TNK2: variants seen among roughly 807,000 people sequenced by gnomAD.
The protein encoded by TNK2 is tyrosine kinase non receptor 2.
A neutral mutation model predicts 101.8 loss-of-function variants in TNK2; 83 were observed. The ratio of observed to expected loss-of-function variants is 0.82; its 90% CI spans 0.68 to 0.98. The LOEUF is 0.98. Among genes scored for constraint, TNK2 ranks in the 50% least tolerant of loss-of-function variants. TNK2 has a pLI of 0.00. For missense variants in TNK2, 1,665 were observed against 1,483.2 expected, an observed-to-expected ratio of 1.12 and a Z score of -2.01; for synonymous variants, 804 against 633.0, an observed-to-expected ratio of 1.27 and a Z score of -4.06.
At chr3:195,892,420 G>A in intron 1 of TNK2, 1 of 1,534,996 alleles carries the variant, frequency 6.5e-7, no homozygotes, top group Non-Finnish European at 8.7e-7. Flanking sequence ...CTGTGTACAG[G>A]CGTCGCCGCA....
At chr3:195,879,424 C>A in intron 6 of TNK2, 1 of 416,582 alleles carries the variant, frequency 2.4e-6, no homozygotes, top group South Asian at 3.4e-5. Flanking sequence ...AAGGAAGTTT[C>A]CCAGCCAGAG....
chr3:195,899,484 G>A (rs951485689), intron 1 of TNK2, among the ~76,000 whole-genome samples: 1 of 151,910 alleles, frequency 6.6e-6, no homozygotes, highest in Admixed American at 6.6e-5. Context: ...GCGCCACCAC[G>A]CCCAGCTAAT....
At chr3:195,898,520 T>C (rs1408405484) in intron 1 of TNK2, among the ~76,000 whole-genome samples, 1 of 152,178 alleles carries the variant, frequency 6.6e-6, no homozygotes, top group Non-Finnish European at 1.5e-5. Flanking sequence ...TGGGCTGCAC[T>C]CCTCACCTAG....
Position 195,885,787 on chromosome 3 carries a change from C to T in TNK2, c.235-754G>A, listed in dbSNP as rs551370941. The stretch of plus-strand genomic sequence containing the variant: ...CCATGAGGGTCAAAGCTGGCCACGT[C>T]GGTCTGACTCGGCCTCCACTGAGGC... On this transcript the variant is annotated intron_variant, in intron 3 of 15. Coordinates refer to ENST00000672887, the MANE Select transcript of TNK2 (RefSeq NM_001382273.1). The surrounding 1 kb of genome is among the most constrained non-coding windows in gnomAD (Gnocchi z 4.7). 2.0e-5 allele frequency: 7 copies of T among 354,292 alleles called. No individual in the cohort carries two copies. Among genetic ancestry groups the T allele is most frequent in the African/African-American group, 1.3e-4 (6 of 46,704 alleles). The allele number at this position is 354,292 out of a possible 1,614,324, so 21.9% of individuals were successfully genotyped here.
At chr3:195,891,656 A>ACC (rs139172714) in intron 1 of TNK2, among the ~76,000 whole-genome samples, 16 of 147,382 alleles carry the variant, frequency 1.1e-4, no homozygotes, top group African/African-American at 4.0e-4. Context: ...GAGCAAAGTG[A>ACC]CCCCCCCCCT....
Position 195,864,084 on chromosome 3 carries a change from G to A in TNK2, c.*97C>T. 6.5e-7 allele frequency: 1 copy of A among 1,534,922 alleles called. No homozygotes were observed. The highest frequency in any genetic ancestry group is 9.0e-7 in the Non-Finnish European group (1 of 1,116,596). ...TCCCCGGGAGCAGCAGGAGCAGCGGGTCCTCCAGGACTGGATGGGGGCATC... is the reference window on the plus strand; with the variant it reads ...TCCCCGGGAGCAGCAGGAGCAGCGGATCCTCCAGGACTGGATGGGGGCATC... On this transcript the variant is annotated 3_prime_UTR_variant, in exon 16 of 16. Coordinates refer to ENST00000672887, the MANE Select transcript of TNK2 (RefSeq NM_001382273.1).
At chr3:195,873,686 CGGA>C (rs1293731653) in intron 9 of TNK2, among the ~76,000 whole-genome samples, 1 of 152,192 alleles carries the variant, frequency 6.6e-6, no homozygotes, top group Admixed American at 6.5e-5. Flanking sequence ...GGAGAGAGGA[CGGA>C]GGAGGTGGCG....
intron 9 of TNK2, chr3:195,872,710 G>A: frequency 2.0e-6 from 1 of 511,802 alleles, no homozygotes; most frequent in Non-Finnish European, 3.4e-6. Context: ...TTTCCCTATG[G>A]TTTGCAAATA....
intron 1 of TNK2, chr3:195,891,876 G>A: frequency 1.0e-6 from 1 of 975,628 alleles, no homozygotes; most frequent in Non-Finnish European, 1.2e-6. Flanking sequence ...GCACAGCCCG[G>A]CCTGTTCCCT....
chr3:195,895,933 G>GCCGCCTCCCAGCGC (rs1577114534), intron 1 of TNK2: 3 of 162,560 alleles, frequency 1.8e-5, no homozygotes, highest in African/African-American at 7.3e-5. Flanking sequence ...CCGGCTCCGC[G>GCCGCCTCCCAGCGC]CCGCCTCCCA....
chr3:195,900,695 G>C (rs1025117153), intron 1 of TNK2, among the ~76,000 whole-genome samples: 8 of 152,242 alleles, frequency 5.3e-5, no homozygotes, highest in Non-Finnish European at 1.2e-4. Flanking sequence ...ACATGCCCAG[G>C]TGCCGAGGCC....
intron 2 of TNK2, 137 bp from the exon 3 acceptor site, chr3:195,887,184 AACC>A: frequency 1.2e-6 from 1 of 813,358 alleles, no homozygotes; most frequent in Non-Finnish European, 2.0e-6. Flanking sequence ...AACCCCAACT[AACC>A]CGGAGCCTCA....
At chr3:195,876,032 T>C (rs1029939435) in intron 9 of TNK2, among the ~76,000 whole-genome samples, 1 of 152,100 alleles carries the variant, frequency 6.6e-6, no homozygotes, top group Non-Finnish European at 1.5e-5. Context: ...CCTGGAGGGA[T>C]AACCCGGATG....
intron 2 of TNK2, 152 bp from the exon 3 acceptor site, chr3:195,887,199 CTG>C: frequency 1.4e-6 from 1 of 730,758 alleles, no homozygotes; most frequent in Admixed American, 2.6e-5. Flanking sequence ...GGAGCCTCAA[CTG>C]ACCGACGGTC....
chr3:195,877,149 G>A (rs1253992106), intron 9 of TNK2, among the ~76,000 whole-genome samples: 4 of 152,120 alleles, frequency 2.6e-5, no homozygotes, highest in Non-Finnish European at 5.9e-5. Flanking sequence ...TGGCCCCTCA[G>A]CTCCAAACCT....
Position 195,879,273 on chromosome 3 carries a change from C to T in TNK2, c.888-98G>A, listed in dbSNP as rs934904581. The T allele has an allele frequency of 3.2e-6, 5 of 1,545,952 alleles. No individual in the cohort carries two copies. In the Admixed American group the frequency reaches 5.4e-5, roughly 17 times the overall value. ...CTCATGCAGCAAACACTTGTTGTGA[C>T]CCCCTGTGCCAGGTTCAACAGTGGG... On this transcript the variant is annotated intron_variant, in intron 6 of 15. Coordinates refer to ENST00000672887, the MANE Select transcript of TNK2 (RefSeq NM_001382273.1).
In TNK2 at chr3:195,882,624, G is replaced by A. The variant is rs908817388; in HGVS notation, c.610-296C>T. ...TGTAATCCCAGCACTTTGGGAGGCCGAGGTGGGTGGATCATTTGAGGTCAG... is the reference window on the plus strand; with the variant it reads ...TGTAATCCCAGCACTTTGGGAGGCCAAGGTGGGTGGATCATTTGAGGTCAG... On this transcript the variant is annotated intron_variant, in intron 5 of 15. Coordinates refer to ENST00000672887, the MANE Select transcript of TNK2 (RefSeq NM_001382273.1). The surrounding 1 kb of genome is among the most constrained non-coding windows in gnomAD (Gnocchi z 4.2). 21 of 1,022,506 alleles carry A rather than the reference G, an allele frequency of 2.1e-5. No homozygotes were observed. The highest frequency in any genetic ancestry group is 4.4e-5 in the Admixed American group (2 of 45,274). The allele number at this position is 1,022,506 out of a possible 1,614,324, so 63.3% of individuals were successfully genotyped here. A position where few individuals can be genotyped will look rare whatever the true frequency, so the allele number is the denominator to read the frequency against.
At chr3:195,869,002 C>T in intron 12 of TNK2, 1 of 488,386 alleles carries the variant, frequency 2.0e-6, no homozygotes, top group African/African-American at 2.0e-5. Context: ...CTGCCTCCAC[C>T]AGCACAAGAC....
chr3:195,867,944 G>C lies in TNK2; in HGVS notation c.2354C>G (p.Pro785Arg), dbSNP rs1412447562. The change falls in exon 13 of 16, where the codon CCT (proline) becomes CGT (arginine). Residue 785 changes from proline (P) to arginine (R), a missense_variant. Physicochemically the swap from Pro to Arg is moderately radical, Grantham distance 103. Coordinates refer to ENST00000672887, the MANE Select transcript of TNK2 (RefSeq NM_001382273.1). ...CACCCGGGGAGGGGAAGCAGGTCCAGGCCACTGGCTGGTCTCCTCCTCGCC... is the reference window on the plus strand; with the variant it reads ...CACCCGGGGAGGGGAAGCAGGTCCACGCCACTGGCTGGTCTCCTCCTCGCC... ...PPGEEETSQW[P>R]GPASPPRVPP... 1.3e-6 allele frequency: 2 copies of C among 1,543,668 alleles called. No individual in the cohort carries two copies. Among genetic ancestry groups the C allele is most frequent in the Admixed American group, 4.6e-5 (2 of 43,664 alleles).
Sources: allele counts gnomAD v4.1 joint callset (sites outside exome capture counted in the v4.1 genomes callset), GRCh38; gene constraint gnomAD v4.1.1; non-coding constraint Gnocchi (gnomAD v3.1); transcripts MANE v1.5; gene names NCBI Gene and HGNC (gene_info 2026-07-23, HGNC 2026-07-21).